The following VPS13D variants were observed in gnomAD, a reference collection of about 807,000 sequenced individuals.
VPS13D encodes vacuolar protein sorting 13 homolog D.
VPS13D carries 187 observed loss-of-function variants against 461.9 expected under a neutral mutation model. The observed-to-expected ratio is 0.40, with a 90% CI of 0.36 to 0.46. The LOEUF (loss-of-function observed/expected upper bound fraction) is 0.46, where lower values mean the gene tolerates loss of function less well. VPS13D is among the 20% of genes least tolerant of loss of function. The probability of loss-of-function intolerance (pLI) is 0.60; values close to 1 mark genes in which losing one functional copy is unlikely to be tolerated. For synonymous variants in VPS13D, 1,951 were observed against 1,986.3 expected (o/e 0.98, Z 0.47); for missense variants, 4,711 against 5,364.9 (o/e 0.88, Z 3.81).
Position 12,319,498 on chromosome 1 carries a change from T to G in VPS13D, c.7416T>G (p.Gly2472=). The part of the protein sequence containing the change: ...RHLEVKVNVT[G]TEFVVIEDVS... ...GATTGACGACGTTGTCCTTTCCAGG[T>G]ACGGAGTTTGTGGTCATTGAAGATG... Residue 2472 remains glycine (G), a splice_region_variant and synonymous_variant, in exon 32 of 70, where the codon GGT becomes GGG. Transcript: ENST00000620676. 6.2e-7 allele frequency: 1 copy of G among 1,614,092 alleles called. No homozygotes were observed.
intron 65 of VPS13D, among the ~76,000 whole-genome samples, chr1:12,448,242 A>G (rs1645219145): frequency 6.6e-6 from 1 of 152,162 alleles, no homozygotes; most frequent in South Asian, 2.1e-4. Flanking sequence ...TGGAGTTGAA[A>G]TAAGTTATCT....
intron 63 of VPS13D, among the ~76,000 whole-genome samples, chr1:12,414,810 A>C (rs1448744424): frequency 6.6e-6 from 1 of 152,240 alleles, no homozygotes; most frequent in Non-Finnish European, 1.5e-5. Flanking sequence ...CATGACAAAC[A>C]GATACAAAAC....
Position 12,290,461 on chromosome 1 carries a change from A to G in VPS13D, c.5726-537A>G, listed in dbSNP as rs746257443. Among the ~76,000 whole-genome samples, 21 of 152,248 alleles carry G rather than the reference A, an allele frequency of 1.4e-4. 1 individual carries two copies. Among genetic ancestry groups the G allele is most frequent in the South Asian group, 6.2e-4 (3 of 4,828 alleles). On this transcript the variant is annotated intron_variant, in intron 22 of 69. Transcript: ENST00000620676. ...AATGTTGCCGGGCGCGGTGGCTCAC[A>G]CCTGTAATCCTAGCATTTTGGGAGG... is the stretch of plus-strand genomic sequence containing the variant.
chr1:12,368,657 CT>C (rs1644072802), intron 53 of VPS13D, 66 bp downstream of exon 53: 7 of 1,543,562 alleles, frequency 4.5e-6, no homozygotes, highest in Non-Finnish European at 5.2e-6. Context: ...GTGTACTGCC[CT>C]TGACACAATG....
rs1165675985 is a variant in VPS13D at position 12,277,651 on chromosome 1, T to G, written c.4063T>G (p.Leu1355Val). 1 of 1,614,146 alleles carries G rather than the reference T, an allele frequency of 6.2e-7. No individual in the cohort carries two copies. Residue 1355 changes from leucine to valine, a missense_variant, in exon 19 of 70, where the codon TTA (leucine) becomes GTA (valine). Around this residue, in one of 3 missense-constraint regions of VPS13D, gnomAD observed 4,411 missense variants for 4,937.8 expected, o/e 0.89. Coordinates refer to ENST00000620676, the MANE Select transcript of VPS13D (RefSeq NM_015378.4). ...AAGGAAGACTCGGGAACCCTTTATCTTAGAGGAAAATGAAATATATGGGTT... is the reference window on the plus strand; with the variant it reads ...AAGGAAGACTCGGGAACCCTTTATCGTAGAGGAAAATGAAATATATGGGTT... ...TPRKTREPFI[L>V]EENEIYGFDL...
At position 12,291,085 on chromosome 1, in the gene VPS13D, C is replaced by T; in HGVS notation, c.5813C>T (p.Thr1938Ile). The stretch of plus-strand genomic sequence containing the variant: ...GGAGAGTTCTACAGAGAACGGTTCA[C>T]TACCAGTGGTGAAGAAGCACTCATC... The part of the protein sequence containing the change: ...CHGEFYRERF[T>I]TSGEEALIFQ... Residue 1938 changes from threonine to isoleucine, a missense_variant, in exon 23 of 70, where the codon ACT (threonine) becomes ATT (isoleucine). Around this residue, in one of 3 missense-constraint regions of VPS13D, gnomAD observed 4,411 missense variants for 4,937.8 expected, o/e 0.89. Coordinates refer to ENST00000620676, the MANE Select transcript of VPS13D (RefSeq NM_015378.4). 1 of 1,613,900 alleles carries T rather than the reference C, an allele frequency of 6.2e-7. No homozygotes were observed. Among genetic ancestry groups the T allele is most frequent in the Non-Finnish European group, 8.5e-7 (1 of 1,179,946 alleles).
At chr1:12,354,259 A>G (rs773474354) in intron 47 of VPS13D, 38 bp downstream of exon 47, 3 of 1,605,668 alleles carry the variant, frequency 1.9e-6, no homozygotes, top group East Asian at 2.2e-5. Flanking sequence ...TCATAATCCT[A>G]TGAAAATATC....
intron 6 of VPS13D, among the ~76,000 whole-genome samples, chr1:12,252,328 G>A (rs921251012): frequency 6.6e-6 from 1 of 152,062 alleles, no homozygotes; most frequent in East Asian, 1.9e-4. Context: ...TCATCCACAT[G>A]TACCAATACT....
Position 12,319,623 on chromosome 1 carries a change from G to A in VPS13D, c.7541G>A (p.Gly2514Asp). The change falls in exon 32 of 70, where the codon GGC becomes GAC. Residue 2514 changes from glycine (G) to aspartate (D), a missense_variant. By Grantham distance (94) the Gly-to-Asp change is moderately conservative. This residue lies in a region of VPS13D where 4,411 missense variants were observed against 4,937.8 expected (regional missense o/e 0.89). Transcript: ENST00000620676. Reference protein sequence around the residue: ...VDRPFSGSLFGIEVFSCRLGN... With the variant: ...VDRPFSGSLFDIEVFSCRLGN... Reference sequence around the variant, plus strand: ...CGCCCCTTTTCAGGAAGTTTGTTTGGCATTGAGGTAAGAAGTCTATGTGTT... The same window carrying A: ...CGCCCCTTTTCAGGAAGTTTGTTTGACATTGAGGTAAGAAGTCTATGTGTT... 1 of 1,614,212 alleles carries A rather than the reference G, an allele frequency of 6.2e-7. No individual in the cohort carries two copies.
At chr1:12,463,422 A>G (rs866385087) in intron 67 of VPS13D, among the ~76,000 whole-genome samples, 3 of 152,230 alleles carry the variant, frequency 2.0e-5, no homozygotes, top group Non-Finnish European at 4.4e-5. Flanking sequence ...CCATTTGTCC[A>G]GGTCCAGAAG....
At chr1:12,433,271 C>CA (rs886697637) in intron 65 of VPS13D, among the ~76,000 whole-genome samples, 9 of 148,252 alleles carry the variant, frequency 6.1e-5, no homozygotes, top group Admixed American at 4.1e-4. Flanking sequence ...AAAAAAAAAA[C>CA]AAAAAAACAA....
chr1:12,276,368 T>C lies in VPS13D; in HGVS notation c.2780T>C (p.Leu927Ser), dbSNP rs1408749063. Residue 927 changes from leucine to serine, a missense_variant, in exon 19 of 70, where the codon TTG becomes TCG. Transcript: ENST00000620676. This position sits in a 1 kb window ranked among gnomAD's most constrained non-coding sequence, Gnocchi z 4.5. The part of the protein sequence containing the change: ...IFPQEEQRGS[L>S]QDSVMNLTQS... ...CCCCAGGAGGAGCAGCGGGGAAGTT[T>C]GCAAGACTCCGTAATGAATTTAACC... is the stretch of plus-strand genomic sequence containing the variant. 3.7e-6 allele frequency: 6 copies of C among 1,614,168 alleles called. No individual in the cohort carries two copies. The highest frequency in any genetic ancestry group is 4.5e-5 in the East Asian group (2 of 44,876).
At chr1:12,322,466 A>G in intron 33 of VPS13D, 70 bp from the exon 34 acceptor site, 1 of 1,456,778 alleles carries the variant, frequency 6.9e-7, no homozygotes, top group Non-Finnish European at 9.5e-7. Flanking sequence ...TAGGAATTAC[A>G]TCTGTAAGAG....
intron 8 of VPS13D, among the ~76,000 whole-genome samples, 193 bp downstream of exon 8, chr1:12,256,696 T>G (rs1640933326): frequency 6.6e-6 from 1 of 151,956 alleles, no homozygotes; most frequent in Admixed American, 6.5e-5. Flanking sequence ...GTTAGTTTTT[T>G]TTTTTTTTTT....
intron 60 of VPS13D, among the ~76,000 whole-genome samples, chr1:12,396,117 A>G (rs1335988121): frequency 1.3e-5 from 2 of 150,980 alleles, no homozygotes; most frequent in African/African-American, 2.4e-5. Context: ...ATCAGGAAAG[A>G]GAGAGATGCC....
Position 12,343,054 on chromosome 1 carries a change from A to G in VPS13D, c.8885+3A>G, listed in dbSNP as rs903267528. On this transcript the variant is annotated splice_donor_region_variant and intron_variant, in intron 42 of 69. Transcript: ENST00000620676. ...GCAAGAGGAAAGTTAAGACACAGGTAAAGTATGGTTTATTCTTTTCTTTAA... is the reference window on the plus strand; with the variant it reads ...GCAAGAGGAAAGTTAAGACACAGGTGAAGTATGGTTTATTCTTTTCTTTAA... 2 of 1,609,358 alleles carry G rather than the reference A, an allele frequency of 1.2e-6. No individual in the cohort carries two copies. The highest frequency in any genetic ancestry group is 1.7e-6 in the Non-Finnish European group (2 of 1,176,720).
intron 43 of VPS13D, 86 bp from the exon 44 acceptor site, chr1:12,346,519 T>C: frequency 7.0e-7 from 1 of 1,421,362 alleles, no homozygotes; most frequent in Non-Finnish European, 9.8e-7. Context: ...AACACGACCC[T>C]TTGAAGAAAA....
chr1:12,469,252 A>G (rs1241753807), intron 67 of VPS13D, among the ~76,000 whole-genome samples: 3 of 152,158 alleles, frequency 2.0e-5, no homozygotes, highest in South Asian at 2.1e-4. Context: ...TCCATAACCT[A>G]AAACCTATTT....
At chr1:12,260,496 G>T (rs113624628) in intron 10 of VPS13D, among the ~76,000 whole-genome samples, 197 bp from the exon 11 acceptor site, 7 of 152,166 alleles carry the variant, frequency 4.6e-5, no homozygotes, top group Admixed American at 1.3e-4. Context: ...AACATCTACT[G>T]GATTATATGG....
Sources: allele counts gnomAD v4.1 joint callset (sites outside exome capture counted in the v4.1 genomes callset), GRCh38; gene constraint gnomAD v4.1.1; regional missense constraint gnomAD v4.1.1; non-coding constraint Gnocchi (gnomAD v3.1); transcripts MANE v1.5; gene names NCBI Gene and HGNC (gene_info 2026-07-23, HGNC 2026-07-21).